ZNF273: variants seen among roughly 807,000 people sequenced by gnomAD.
The protein encoded by ZNF273 is zinc finger protein 9.
Under a neutral mutation model 14.9 loss-of-function variants are expected in ZNF273, and 11 were observed. The observed-to-expected ratio is 0.74, with a 90% CI of 0.46 to 1.22. The LOEUF (loss-of-function observed/expected upper bound fraction) is 1.22. ZNF273 is among the 50% of genes most tolerant of loss of function. The pLI is 0.00. For missense variants in ZNF273, 577 were observed against 660.6 expected, an observed-to-expected ratio of 0.87 and a Z score of 1.39; for synonymous variants, 199 against 223.9, an observed-to-expected ratio of 0.89 and a Z score of 0.99.
intron 3 of ZNF273, among the ~76,000 whole-genome samples, chr7:64,918,659 CAAAAAAAA>C (rs1171857179): frequency 2.5e-5 from 2 of 80,040 alleles, no homozygotes; most frequent in Admixed American, 1.8e-4. Flanking sequence ...GACTCCATCT[CAAAAAAAA>C]AAAAAAAAAA....
chr7:64,918,311 G>C lies in ZNF273; in HGVS notation c.325+19G>C, dbSNP rs377065028. 3 of 1,531,770 alleles carry C rather than the reference G, an allele frequency of 2.0e-6. No individual in the cohort carries two copies. 94.9% of individuals were successfully genotyped at this position (1,531,770 alleles called of 1,614,324 possible). A position where few individuals can be genotyped will look rare whatever the true frequency, so the allele number is the denominator to read the frequency against. ...CCCCCAGGTAGGTGAGAGTGATAGC[G>C]AATATAACAGATGACACAGATGACA... On this transcript the variant is annotated intron_variant, in intron 3 of 3. Transcript: ENST00000476120.
At chr7:64,880,043 G>C (rs1206168474), downstream of ZNF273, 1 of 152,224 alleles carries the variant, frequency 6.6e-6, no homozygotes, top group African/African-American at 2.4e-5. Flanking sequence ...GGGGCACCAG[G>C]AGCAAGTAGT....
chr7:64,916,185 A>G (rs1028352773), intron 1 of ZNF273, among the ~76,000 whole-genome samples: 1 of 151,986 alleles, frequency 6.6e-6, no homozygotes, highest in Non-Finnish European at 1.5e-5. Flanking sequence ...AACAAGAAAA[A>G]AAATTATTAG....
At position 64,928,829 on chromosome 7, in the gene ZNF273, C is replaced by G; in HGVS notation, c.1501C>G (p.Leu501Val). ...CGKAFNWSST[L>V]TKHKRIHTGE... ...TAAAGCCTTTAACTGGTCCTCAACT[C>G]TTACTAAACATAAGAGAATTCATAC... Residue 501 changes from leucine (L) to valine (V), a missense_variant, in exon 4 of 4, where the codon CTT (leucine) becomes GTT (valine). By Grantham distance (32) the Leu-to-Val change is conservative. Around this residue, in one of 3 missense-constraint regions of ZNF273, gnomAD observed 411 missense variants for 440.4 expected, o/e 0.93. Coordinates refer to ENST00000476120, the MANE Select transcript of ZNF273 (RefSeq NM_021148.3). 6.2e-7 allele frequency: 1 copy of G among 1,613,810 alleles called. No individual in the cohort carries two copies. The highest frequency in any genetic ancestry group is 8.5e-7 in the Non-Finnish European group (1 of 1,179,910).
At position 64,928,038 on chromosome 7, in the gene ZNF273, A is replaced by G. The variant is rs768773123; in HGVS notation, c.710A>G (p.Lys237Arg). The change falls in exon 4 of 4, where the codon AAG becomes AGG. Residue 237 changes from lysine (K) to arginine (R), a missense_variant. Lys to Arg is a conservative substitution (Grantham distance 26, BLOSUM62 2). Transcript: ENST00000476120. ...TATRVNFYKC[K>R]TCGKAFNQFS... ...ACTAGAGTGAATTTCTACAAATGTA[A>G]GACATGTGGAAAAGCCTTTAACCAG... The G allele has an allele frequency of 5.0e-6, 8 of 1,614,030 alleles. No individual in the cohort carries two copies. The Admixed American group carries it at 1.3e-4, about 27-fold the overall frequency.
intron 3 of ZNF273, among the ~76,000 whole-genome samples, chr7:64,922,000 G>A (rs942633197): frequency 4.6e-5 from 7 of 151,870 alleles, no homozygotes; most frequent in Non-Finnish European, 8.8e-5. Flanking sequence ...CTATTTTCAC[G>A]GAACATAGAT....
At chr7:64,905,963 G>A (rs1419199824) in intron 1 of ZNF273, among the ~76,000 whole-genome samples, 2 of 152,086 alleles carry the variant, frequency 1.3e-5, no homozygotes, top group East Asian at 1.9e-4. Flanking sequence ...TAATTATATA[G>A]TCCATTTGTT....
At chr7:64,931,892 CT>C (rs1372714478), downstream of ZNF273, among the ~76,000 whole-genome samples, 1 of 152,086 alleles carries the variant, frequency 6.6e-6, no homozygotes, top group Non-Finnish European at 1.5e-5. Flanking sequence ...GGCTGCGAAG[CT>C]GAATTCTGCC....
exon 4 of ZNF273, chr7:64,897,822 T>TC (rs1166600497): frequency 6.7e-6 from 1 of 150,204 alleles, no homozygotes; most frequent in Non-Finnish European, 1.5e-5. Flanking sequence ...CACGCCAGTC[T>TC]CCCGTCTCAG....
downstream of ZNF273, among the ~76,000 whole-genome samples, chr7:64,894,477 T>C (rs1360339469): frequency 1.3e-5 from 2 of 152,312 alleles, no homozygotes; most frequent in Non-Finnish European, 1.5e-5. Flanking sequence ...ATGATGTATA[T>C]AATATGACAT....
rs1002845360 is a variant in ZNF273, at chr7:64,903,556, C to T, written c.102+137C>T. The stretch of plus-strand genomic sequence containing the variant: ...GCCAGGAGTTCTCCTTGGCGCAGCT[C>T]GGCCCTCAGTCCCCTTCAGTCATAA... On this transcript the variant is annotated intron_variant, in intron 1 of 3. Transcript: ENST00000476120. 5.5e-6 allele frequency: 5 copies of T among 911,774 alleles called. No individual in the cohort carries two copies. The African/African-American group carries it at 6.6e-5, about 12-fold the overall frequency. 56.5% of individuals were successfully genotyped at this position (911,774 alleles called of 1,614,324 possible).
In ZNF273 at chr7:64,917,139, G is replaced by T. The variant is rs1323047085; in HGVS notation, c.103-442G>T. On this transcript the variant is annotated intron_variant, in intron 1 of 3. Transcript: ENST00000476120. ...TACTGGTGAGCTTGTTAAAAATTTG[G>T]AAACTCAGACTTTATTCCAGATCTT... The T allele has an allele frequency of 5.5e-6, 7 of 1,261,512 alleles. No individual in the cohort carries two copies. In the South Asian group the frequency reaches 9.0e-5, roughly 16 times the overall value. 78.1% of individuals were successfully genotyped at this position (1,261,512 alleles called of 1,614,324 possible).
Position 64,929,776 on chromosome 7 carries a change from A to G in ZNF273, c.*738A>G, listed in dbSNP as rs373677292. On this transcript the variant is annotated 3_prime_UTR_variant, in exon 4 of 4. Coordinates refer to ENST00000476120, the MANE Select transcript of ZNF273 (RefSeq NM_021148.3). ...CAGAGTACACTTTTCTTTGGAAAAA[A>G]TTACAGGTTTTTTGAAAAGTGAATA... 4 of 152,180 alleles carry G rather than the reference A, an allele frequency of 2.6e-5. 1 individual carries two copies. The highest frequency in any genetic ancestry group is 1.5e-5 in the Non-Finnish European group (1 of 68,060). 9.4% of individuals were successfully genotyped at this position (152,180 alleles called of 1,614,324 possible).
At chr7:64,918,443 A>G (rs914584750) in intron 3 of ZNF273, 151 bp downstream of exon 3, 1 of 637,282 alleles carries the variant, frequency 1.6e-6, no homozygotes. Flanking sequence ...CGGGCGGATC[A>G]CGAGGTCAAG....
chr7:64,926,953 T>C (rs1326267348), intron 3 of ZNF273, among the ~76,000 whole-genome samples: 1 of 152,216 alleles, frequency 6.6e-6, no homozygotes, highest in Non-Finnish European at 1.5e-5. Context: ...CAAACTGTTA[T>C]TCCATAGTAT....
At chr7:64,914,180 GTATTTTTTT>G (rs1793776603) in intron 1 of ZNF273, among the ~76,000 whole-genome samples, 2 of 63,072 alleles carry the variant, frequency 3.2e-5, no homozygotes, top group Non-Finnish European at 5.8e-5. Context: ...GGTAATTTTT[GTATTTTTTT>G]TTTTTTTTTT....
intron 1 of ZNF273, among the ~76,000 whole-genome samples, chr7:64,887,363 G>C (rs993530616): frequency 3.3e-5 from 5 of 152,132 alleles, no homozygotes; most frequent in Admixed American, 1.3e-4. Flanking sequence ...CTTCCACGTG[G>C]GTCTCCCTCC....
intron 1 of ZNF273, among the ~76,000 whole-genome samples, chr7:64,915,694 A>G (rs1793925636): frequency 6.6e-6 from 1 of 152,124 alleles, no homozygotes; most frequent in Non-Finnish European, 1.5e-5. Flanking sequence ...AGTGCTGCAG[A>G]GGTTTTGTTT....
At chr7:64,905,109 C>CTTTTTTTTTTTTTTTTTTTT (rs61024093) in intron 1 of ZNF273, among the ~76,000 whole-genome samples, 1 of 75,376 alleles carries the variant, frequency 1.3e-5, no homozygotes. Context: ...TCCTGGTGCA[C>CTTTTTTTTTTTTTTTTTTTT]TTTTTTTTTT....
Sources: allele counts gnomAD v4.1 joint callset (sites outside exome capture counted in the v4.1 genomes callset), GRCh38; gene constraint gnomAD v4.1.1; regional missense constraint gnomAD v4.1.1; transcripts MANE v1.5; gene names NCBI Gene and HGNC (gene_info 2026-07-23, HGNC 2026-07-21).